Variants in FHL5 observed in about 807,000 individuals in gnomAD.
The protein encoded by FHL5 is four and a half LIM domains protein 5.
In FHL5, 33 loss-of-function variants were observed where a neutral mutation model predicts 32.0. The observed-to-expected ratio is 1.03, with a 90% CI of 0.78 to 1.38. FHL5 has a LOEUF of 1.38. FHL5 is among the 40% of genes most tolerant of loss of function. The pLI, the probability that FHL5 is intolerant of heterozygous loss-of-function variation, is 0.00. For synonymous variants in FHL5, 114 were observed against 113.6 expected, an observed-to-expected ratio of 1.00 and a Z score of -0.02; for missense variants, 336 against 343.9, an observed-to-expected ratio of 0.98 and a Z score of 0.18.
At chr6:96,601,711 G>A (rs3798294) in intron 1 of FHL5, among the ~76,000 whole-genome samples, 23,801 of 152,154 alleles carry the variant, frequency 0.16, 2,046 homozygotes, top group Middle Eastern at 0.26. Context: ...TAATGAAAAC[G>A]ACGTTTTCCA....
chr6:96,597,958 C>A (rs1221906265), intron 1 of FHL5, among the ~76,000 whole-genome samples: 1 of 152,096 alleles, frequency 6.6e-6, no homozygotes, highest in African/African-American at 2.4e-5. Context: ...TAGACCTCCT[C>A]AGGAAACCAT....
At chr6:96,604,303 C>T (rs1032445904) in intron 2 of FHL5, among the ~76,000 whole-genome samples, 1 of 149,618 alleles carries the variant, frequency 6.7e-6, no homozygotes, top group Admixed American at 6.6e-5. Flanking sequence ...ATTTTCCTCT[C>T]TCTTTCTCTC....
At chr6:96,610,227 C>T (rs1353973388) in intron 4 of FHL5, among the ~76,000 whole-genome samples, 2 of 152,136 alleles carry the variant, frequency 1.3e-5, no homozygotes, top group Non-Finnish European at 2.9e-5. Context: ...TGGTTTTTCT[C>T]CCCCATCTTC....
chr6:96,615,572 A>T, intron 5 of FHL5, 37 bp from the exon 6 acceptor site: 1 of 1,545,492 alleles, frequency 6.5e-7, no homozygotes, highest in South Asian at 1.2e-5. Flanking sequence ...TGTTCCTTGA[A>T]AGGATAGATT....
intron 1 of FHL5, among the ~76,000 whole-genome samples, chr6:96,590,461 G>T (rs548701761): frequency 1.3e-5 from 2 of 151,878 alleles, no homozygotes; most frequent in East Asian, 3.9e-4. Context: ...TTTATATATA[G>T]ACATTTTACT....
At chr6:96,615,577 T>C (rs1273672743) in intron 5 of FHL5, 32 bp from the exon 6 acceptor site, 2 of 1,557,326 alleles carry the variant, frequency 1.3e-6, no homozygotes, top group Middle Eastern at 1.8e-4. Context: ...CTTGAAAGGA[T>C]AGATTAATCT....
At position 96,616,426 on chromosome 6, in the gene FHL5, C is replaced by T. The variant is rs1771522700; in HGVS notation, c.*654C>T. On this transcript the variant is annotated 3_prime_UTR_variant, in exon 6 of 6. Coordinates refer to ENST00000450218, the MANE Select transcript of FHL5 (RefSeq NM_001322466.2). Reference sequence around the variant, plus strand: ...AGGACATTATGGCTCTCATAATCTGCATAGGTATAAAGAGGATCATTTCTA... The same window carrying T: ...AGGACATTATGGCTCTCATAATCTGTATAGGTATAAAGAGGATCATTTCTA... 1 of 152,168 alleles carries T rather than the reference C, an allele frequency of 6.6e-6. No individual in the cohort carries two copies. Among genetic ancestry groups the T allele is most frequent in the South Asian group, 2.1e-4 (1 of 4,828 alleles). The allele number at this position is 152,168 out of a possible 1,614,324, so 9.4% of individuals were successfully genotyped here.
rs555280280 is a variant in FHL5, at chr6:96,617,262, A to G, written c.*1490A>G. On this transcript the variant is annotated 3_prime_UTR_variant, in exon 6 of 6. Coordinates refer to ENST00000450218, the MANE Select transcript of FHL5 (RefSeq NM_001322466.2). ...AGGTCAGGAGAAGAAGCCCACATAG[A>G]TATATAACTGTCTTCTCTCAGATTA... 6.6e-6 allele frequency among the ~76,000 whole-genome samples: 1 copy of G among 152,306 alleles called. No homozygotes were observed. Among genetic ancestry groups the G allele is most frequent in the East Asian group, 1.9e-4 (1 of 5,184 alleles).
chr6:96,567,961 A>G (rs1157556318), intron 1 of FHL5, among the ~76,000 whole-genome samples: 1 of 150,746 alleles, frequency 6.6e-6, no homozygotes, highest in African/African-American at 2.4e-5. Context: ...CCTCCTTTTC[A>G]ATTTAGATGC....
chr6:96,595,779 A>G (rs931349794), intron 1 of FHL5, among the ~76,000 whole-genome samples: 1 of 151,870 alleles, frequency 6.6e-6, no homozygotes, highest in African/African-American at 2.4e-5. Flanking sequence ...TTCTGTTGCA[A>G]ATCTGCCTAG....
chr6:96,592,392 G>A lies in FHL5; in HGVS notation c.-12-11210G>A, dbSNP rs181487216. Reference sequence around the variant, plus strand: ...TCCGCCCAGCTCACTGGCGGTCAGAGTTTAAGGTTATCTCTCTTATTCCCT... The same window carrying A: ...TCCGCCCAGCTCACTGGCGGTCAGAATTTAAGGTTATCTCTCTTATTCCCT... On this transcript the variant is annotated intron_variant, in intron 1 of 5. Coordinates refer to ENST00000450218, the MANE Select transcript of FHL5 (RefSeq NM_001322466.2). 5.4e-4 allele frequency among the ~76,000 whole-genome samples: 82 copies of A among 152,296 alleles called. No individual in the cohort carries two copies. The East Asian group carries it at 8.7e-3, about 16-fold the overall frequency.
At chr6:96,580,155 T>C (rs1770669254) in intron 1 of FHL5, among the ~76,000 whole-genome samples, 1 of 152,230 alleles carries the variant, frequency 6.6e-6, no homozygotes, top group Non-Finnish European at 1.5e-5. Flanking sequence ...TATGGAATCA[T>C]AATGATGTCT....
intron 1 of FHL5, among the ~76,000 whole-genome samples, chr6:96,602,705 C>G (rs1030768158): frequency 3.3e-5 from 5 of 151,908 alleles, no homozygotes; most frequent in Non-Finnish European, 7.4e-5. Flanking sequence ...ATGCATTTTG[C>G]CTTGCAGATG....
intron 1 of FHL5, among the ~76,000 whole-genome samples, chr6:96,584,271 C>T (rs562112287): frequency 4.6e-5 from 7 of 151,996 alleles, no homozygotes; most frequent in Admixed American, 4.6e-4. Flanking sequence ...GGACCTTGAC[C>T]GATGAGGATA....
At chr6:96,592,947 A>G (rs1399140143) in intron 1 of FHL5, among the ~76,000 whole-genome samples, 1 of 152,106 alleles carries the variant, frequency 6.6e-6, no homozygotes, top group Non-Finnish European at 1.5e-5. Flanking sequence ...TCAGTTTTGG[A>G]AGATGGGCCA....
intron 1 of FHL5, among the ~76,000 whole-genome samples, chr6:96,574,714 T>C (rs1441174172): frequency 6.6e-6 from 1 of 152,182 alleles, no homozygotes; most frequent in Non-Finnish European, 1.5e-5. Flanking sequence ...ATAGCTTTTA[T>C]TATATGCTAA....
intron 1 of FHL5, among the ~76,000 whole-genome samples, chr6:96,578,435 A>G (rs895199490): frequency 1.1e-4 from 17 of 152,222 alleles, no homozygotes. Context: ...TAAATGAGTC[A>G]CTAAACTGGC....
chr6:96,605,651 T>C (rs1231473645), intron 3 of FHL5, among the ~76,000 whole-genome samples: 1 of 152,210 alleles, frequency 6.6e-6, no homozygotes, highest in African/African-American at 2.4e-5. Context: ...CTCCAGATTA[T>C]AGGTTATGCA....
upstream of FHL5, chr6:96,562,637 T>C (rs1401931602): frequency 6.6e-6 from 1 of 152,142 alleles, no homozygotes; most frequent in Non-Finnish European, 1.5e-5. Flanking sequence ...AACTTATGTC[T>C]CAGAGTTCCC....
Sources: gnomAD v4.1 joint callset for allele counts (sites outside exome capture counted in the v4.1 genomes callset) on GRCh38, gnomAD v4.1.1 for gene constraint, MANE v1.5 for transcripts, NCBI Gene and HGNC (gene_info 2026-07-23, HGNC 2026-07-21) for gene names.